The following ULK4 variants were observed in gnomAD, a reference collection of about 807,000 sequenced individuals.
The protein encoded by ULK4 is inactive serine/threonine-protein kinase ULK4.
In ULK4, 133 loss-of-function variants were observed where a neutral mutation model predicts 160.6. That is an observed-to-expected ratio of 0.83 (90% CI 0.72 to 0.96). The LOEUF is 0.96. Ranked by LOEUF, ULK4 falls within the 40% of genes least tolerant of loss-of-function variation. ULK4 has a pLI of 0.00. For missense variants in ULK4, 1,580 were observed against 1,499.5 expected (o/e 1.05, Z -0.89); for synonymous variants, 534 against 539.8 (o/e 0.99, Z 0.15).
intron 31 of ULK4, among the ~76,000 whole-genome samples, chr3:41,612,815 G>A (rs1465351564): frequency 6.6e-6 from 1 of 152,138 alleles, no homozygotes; most frequent in African/African-American, 2.4e-5. Context: ...AGAAAAGACA[G>A]GCTCACTTTC....
intron 34 of ULK4, among the ~76,000 whole-genome samples, chr3:41,400,536 C>T (rs531135272): frequency 1.1e-3 from 167 of 152,252 alleles, no homozygotes; most frequent in Admixed American, 2.9e-3. Context: ...TTACTGAGTA[C>T]TATTCCATGA....
At chr3:41,689,407 A>C (rs936433843) in intron 27 of ULK4, among the ~76,000 whole-genome samples, 1 of 152,206 alleles carries the variant, frequency 6.6e-6, no homozygotes, top group Non-Finnish European at 1.5e-5. Context: ...CCAACAATTT[A>C]AAATTGAAGT....
At chr3:41,867,623 C>T (rs754889700) in intron 17 of ULK4, among the ~76,000 whole-genome samples, 3 of 152,140 alleles carry the variant, frequency 2.0e-5, no homozygotes, top group Non-Finnish European at 4.4e-5. Flanking sequence ...GTGATCTGCC[C>T]GCCTCAACCT....
chr3:41,789,428 A>G (rs1043990796), intron 21 of ULK4, among the ~76,000 whole-genome samples: 6 of 152,198 alleles, frequency 3.9e-5, no homozygotes, highest in South Asian at 4.1e-4. Context: ...GTTTAACATT[A>G]CTGAAATGGG....
In ULK4 at chr3:41,715,470, C is replaced by A. The variant is rs749934326; in HGVS notation, c.2554G>T (p.Val852Leu). Reference sequence around the variant, plus strand: ...ACCTGTGAAGTTACGAGGTGAAGCACTACAGGCATCAGGGGGAGACACAAC... The same window carrying A: ...ACCTGTGAAGTTACGAGGTGAAGCAATACAGGCATCAGGGGGAGACACAAC... Reference protein sequence around the residue: ...LKLCLPLMPVVLHLVTSQVFR... With the variant: ...LKLCLPLMPVLLHLVTSQVFR... The change falls in exon 24 of 37, where the codon GTG (valine) becomes TTG (leucine). Residue 852 changes from valine (V) to leucine (L), a missense_variant. By Grantham distance (32) the Val-to-Leu change is conservative. Coordinates refer to ENST00000301831, the MANE Select transcript of ULK4 (RefSeq NM_017886.4). 6.2e-6 allele frequency: 10 copies of A among 1,614,130 alleles called. No individual in the cohort carries two copies. The South Asian group carries it at 1.1e-4, about 18-fold the overall frequency.
chr3:41,623,466 A>C (rs2033349743), intron 30 of ULK4, among the ~76,000 whole-genome samples: 1 of 152,240 alleles, frequency 6.6e-6, no homozygotes, highest in Non-Finnish European at 1.5e-5. Context: ...AAACAACCTA[A>C]ATGACCATCA....
intron 22 of ULK4, among the ~76,000 whole-genome samples, chr3:41,737,796 A>G (rs1303242235): frequency 1.3e-5 from 2 of 151,942 alleles, no homozygotes; most frequent in Non-Finnish European, 2.9e-5. Flanking sequence ...TCAGCTTATG[A>G]TGGCCGGATG....
intron 19 of ULK4, among the ~76,000 whole-genome samples, chr3:41,813,471 GTTC>G (rs1253421235): frequency 1.3e-4 from 20 of 151,904 alleles, no homozygotes; most frequent in African/African-American, 4.8e-4. Flanking sequence ...AGGGCTCTTT[GTTC>G]TTCTTTTTGA....
intron 21 of ULK4, among the ~76,000 whole-genome samples, chr3:41,775,834 G>A (rs578039681): frequency 1.3e-5 from 2 of 150,948 alleles, no homozygotes; most frequent in African/African-American, 2.5e-5. Flanking sequence ...ATTTATCCAT[G>A]TTAATTCTTT....
At chr3:41,921,955 A>AC (rs1478002435) in intron 5 of ULK4, among the ~76,000 whole-genome samples, 5 of 152,092 alleles carry the variant, frequency 3.3e-5, no homozygotes, top group Non-Finnish European at 7.3e-5. Context: ...GGAGTTCGAG[A>AC]CCAGCCTGAC....
chr3:41,679,376 GAC>G (rs1477540542), intron 29 of ULK4, among the ~76,000 whole-genome samples: 1 of 152,160 alleles, frequency 6.6e-6, no homozygotes, highest in Non-Finnish European at 1.5e-5. Flanking sequence ...AAGGCTTGGA[GAC>G]TGAAATGCAG....
At chr3:41,511,182 A>G (rs1296515561) in intron 32 of ULK4, among the ~76,000 whole-genome samples, 2 of 130,712 alleles carry the variant, frequency 1.5e-5, no homozygotes, top group Admixed American at 1.6e-4. Context: ...AAAAAAAAAA[A>G]AAGTCTGAAA....
At chr3:41,272,042 G>A (rs571409837) in intron 35 of ULK4, among the ~76,000 whole-genome samples, 16 of 152,194 alleles carry the variant, frequency 1.1e-4, no homozygotes, top group Middle Eastern at 3.4e-3. Flanking sequence ...TCAGCCTCCG[G>A]AGTAGCTGGA....
At chr3:41,457,573 G>A (rs1002466676) in intron 33 of ULK4, among the ~76,000 whole-genome samples, 1 of 152,198 alleles carries the variant, frequency 6.6e-6, no homozygotes, top group South Asian at 2.1e-4. Context: ...ACACCTGCCT[G>A]GATGCAGCAA....
At chr3:41,621,843 A>G (rs2033257092) in intron 30 of ULK4, among the ~76,000 whole-genome samples, 1 of 152,244 alleles carries the variant, frequency 6.6e-6, no homozygotes, top group Admixed American at 6.5e-5. Flanking sequence ...AGAACGGGAG[A>G]AAATTTTTGC....
intron 35 of ULK4, among the ~76,000 whole-genome samples, chr3:41,372,720 T>C (rs1407398966): frequency 1.3e-5 from 2 of 152,068 alleles, no homozygotes; most frequent in African/African-American, 4.8e-5. Context: ...CACTATGAAT[T>C]AACTGCATCA....
intron 25 of ULK4, among the ~76,000 whole-genome samples, chr3:41,710,173 T>A (rs1171913564): frequency 6.6e-6 from 1 of 152,220 alleles, no homozygotes; most frequent in Non-Finnish European, 1.5e-5. Flanking sequence ...TGAAGAATTA[T>A]GGGCTTATTT....
At chr3:41,693,957 ATT>A (rs2036399349) in intron 27 of ULK4, among the ~76,000 whole-genome samples, 1 of 152,240 alleles carries the variant, frequency 6.6e-6, no homozygotes, top group Non-Finnish European at 1.5e-5. Flanking sequence ...TGAACACAGT[ATT>A]GACTATATAC....
At chr3:41,391,443 T>C (rs28642078) in intron 35 of ULK4, among the ~76,000 whole-genome samples, 39,016 of 151,792 alleles carry the variant, frequency 0.26, 5,285 homozygotes, top group South Asian at 0.4. Flanking sequence ...GAATGGAAGG[T>C]CTTAACCCCA....
Sources: gnomAD v4.1 joint callset for allele counts (sites outside exome capture counted in the v4.1 genomes callset) on GRCh38, gnomAD v4.1.1 for gene constraint, MANE v1.5 for transcripts, NCBI Gene and HGNC (gene_info 2026-07-23, HGNC 2026-07-21) for gene names.